PRKCE: variants seen among roughly 807,000 people sequenced by gnomAD.
PRKCE encodes the protein protein kinase C epsilon, also known as protein kinase C epsilon type.
In PRKCE, 16 loss-of-function variants were observed where a neutral mutation model predicts 85.4. The observed-to-expected ratio is 0.19, with a 90% CI of 0.13 to 0.28. The LOEUF is 0.28. Ranked by LOEUF, PRKCE falls within the 10% of genes least tolerant of loss-of-function variation. The pLI, the probability that PRKCE is intolerant of heterozygous loss-of-function variation, is 1.00. For synonymous variants in PRKCE, 388 were observed against 371.5 expected, an observed-to-expected ratio of 1.04 and a Z score of -0.51; for missense variants, 573 against 975.2, an observed-to-expected ratio of 0.59 and a Z score of 5.49.
intron 14 of PRKCE, among the ~76,000 whole-genome samples, chr2:46,180,090 A>T (rs2104715058): frequency 6.6e-6 from 1 of 152,308 alleles, no homozygotes; most frequent in Non-Finnish European, 1.5e-5. Flanking sequence ...TTAGTTGAAA[A>T]GAAGAGGCCT....
At chr2:45,875,477 G>T (rs1452214754) in intron 2 of PRKCE, among the ~76,000 whole-genome samples, 1 of 152,192 alleles carries the variant, frequency 6.6e-6, no homozygotes, top group Non-Finnish European at 1.5e-5. Context: ...CAGGAACAGG[G>T]GTCTGGAGGC....
chr2:45,902,890 G>T (rs1372182143), intron 2 of PRKCE, among the ~76,000 whole-genome samples: 4 of 152,212 alleles, frequency 2.6e-5, no homozygotes, highest in Non-Finnish European at 5.9e-5. Context: ...GTGAGCACTG[G>T]GAGTTTCTGG....
intron 10 of PRKCE, among the ~76,000 whole-genome samples, chr2:46,049,425 G>C (rs936346489): frequency 6.6e-6 from 1 of 152,092 alleles, no homozygotes; most frequent in Non-Finnish European, 1.5e-5. Context: ...CCTGAGATAG[G>C]GCAACAGGAG....
At chr2:46,021,803 C>T (rs187332348) in intron 10 of PRKCE, among the ~76,000 whole-genome samples, 72 of 152,286 alleles carry the variant, frequency 4.7e-4, no homozygotes, top group African/African-American at 1.5e-3. Context: ...CCCCAACGCC[C>T]GCCATCTATT....
intron 2 of PRKCE, among the ~76,000 whole-genome samples, chr2:45,959,999 C>A (rs1417132991): frequency 6.6e-6 from 1 of 152,178 alleles, no homozygotes; most frequent in African/African-American, 2.4e-5. Flanking sequence ...AAGAAATTGG[C>A]CTCTCCTCTT....
chr2:45,875,015 A>G (rs573033115), intron 2 of PRKCE, among the ~76,000 whole-genome samples: 5 of 152,116 alleles, frequency 3.3e-5, no homozygotes, highest in Admixed American at 6.5e-5. Context: ...AAGAGTGTGT[A>G]TGTGTAGATA....
At chr2:45,678,433 T>G (rs1021889604) in intron 1 of PRKCE, among the ~76,000 whole-genome samples, 3 of 152,242 alleles carry the variant, frequency 2.0e-5, no homozygotes, top group Admixed American at 1.3e-4. Context: ...GCAATTGTCT[T>G]GCAACTGCTG....
chr2:45,794,760 A>G (rs1439916826), intron 1 of PRKCE, among the ~76,000 whole-genome samples: 3 of 151,910 alleles, frequency 2.0e-5, no homozygotes, highest in African/African-American at 4.8e-5. Flanking sequence ...CTCCACTTCT[A>G]ATTACTTGAA....
intron 1 of PRKCE, among the ~76,000 whole-genome samples, chr2:45,690,722 G>A (rs1230653851): frequency 6.6e-6 from 1 of 152,214 alleles, no homozygotes. Flanking sequence ...GAATTTGAGA[G>A]GTAGAAGGTT....
intron 11 of PRKCE, among the ~76,000 whole-genome samples, chr2:46,108,524 G>A (rs552174558): frequency 6.6e-6 from 1 of 152,280 alleles, no homozygotes; most frequent in African/African-American, 2.4e-5. Context: ...CAAGGGGAAT[G>A]GGTGATAGGA....
At position 46,054,952 on chromosome 2, in the gene PRKCE, G is replaced by A. The variant is rs1035711559; in HGVS notation, c.1438-31256G>A. 2.0e-5 allele frequency among the ~76,000 whole-genome samples: 3 copies of A among 152,106 alleles called. No homozygotes were observed. The East Asian group carries it at 5.8e-4, about 29-fold the overall frequency. On this transcript the variant is annotated intron_variant, in intron 10 of 14. Coordinates refer to ENST00000306156, the MANE Select transcript of PRKCE (RefSeq NM_005400.3). The stretch of plus-strand genomic sequence containing the variant: ...CTTCAGAAAGGAGTCTGGCCATCCC[G>A]GGGAAGATCACTTCCCACTCCATCC...
chr2:46,039,108 ACTT>A (rs1708063432), intron 10 of PRKCE, among the ~76,000 whole-genome samples: 1 of 152,280 alleles, frequency 6.6e-6, no homozygotes, highest in South Asian at 2.1e-4. Flanking sequence ...TGGTCAATCT[ACTT>A]CTCTGTGTTT....
At chr2:45,909,187 G>A (rs547811013) in intron 2 of PRKCE, among the ~76,000 whole-genome samples, 206 of 152,256 alleles carry the variant, frequency 1.4e-3, no homozygotes, top group Non-Finnish European at 2.3e-3. Flanking sequence ...AGATTATATT[G>A]TCTCACAAAG....
chr2:45,879,783 A>G (rs1381651105), intron 2 of PRKCE, among the ~76,000 whole-genome samples: 1 of 152,226 alleles, frequency 6.6e-6, no homozygotes, highest in East Asian at 1.9e-4. Flanking sequence ...ACGCATATTC[A>G]TAGGGTACTG....
At chr2:45,745,448 C>A (rs72886121) in intron 1 of PRKCE, among the ~76,000 whole-genome samples, 4,380 of 152,208 alleles carry the variant, frequency 0.029, 207 homozygotes, top group African/African-American at 0.1. Flanking sequence ...TCCCCTCTGC[C>A]CCACCCACAT....
intron 1 of PRKCE, among the ~76,000 whole-genome samples, chr2:45,706,782 C>T (rs916699485): frequency 6.6e-5 from 10 of 152,190 alleles, no homozygotes; most frequent in Non-Finnish European, 1.5e-4. Context: ...GCATGTGACT[C>T]ATGGTAAGAG....
At chr2:46,174,596 G>A (rs182798925) in intron 14 of PRKCE, among the ~76,000 whole-genome samples, 7 of 152,150 alleles carry the variant, frequency 4.6e-5, no homozygotes, top group East Asian at 3.9e-4. Context: ...CTCAGTTCCC[G>A]GTGCGCCCAG....
At chr2:45,794,453 GA>G (rs757298319) in intron 1 of PRKCE, among the ~76,000 whole-genome samples, 40 of 152,284 alleles carry the variant, frequency 2.6e-4, no homozygotes, top group Non-Finnish European at 5.3e-4. Context: ...TCTTTCAAGG[GA>G]GGGGTTAACC....
intron 2 of PRKCE, among the ~76,000 whole-genome samples, chr2:45,942,011 G>A (rs1198358951): frequency 1.3e-5 from 2 of 152,172 alleles, no homozygotes; most frequent in Admixed American, 1.3e-4. Flanking sequence ...TCAAAGAGCT[G>A]TCAAAGCACA....
Sources: gnomAD v4.1 joint callset for allele counts (sites outside exome capture counted in the v4.1 genomes callset) on GRCh38, gnomAD v4.1.1 for gene constraint, MANE v1.5 for transcripts, NCBI Gene and HGNC (gene_info 2026-07-23, HGNC 2026-07-21) for gene names.